HECW1: variants seen among roughly 807,000 people sequenced by gnomAD.
HECW1 encodes E3 ubiquitin-protein ligase HECW1.
A neutral mutation model predicts 182.3 loss-of-function variants in HECW1; 61 were observed. The observed-to-expected ratio is 0.33, with a 90% CI of 0.27 to 0.41. The LOEUF (loss-of-function observed/expected upper bound fraction) is 0.41, where lower values mean the gene tolerates loss of function less well. Among genes scored for constraint, HECW1 ranks in the 10% least tolerant of loss-of-function variants. The pLI is 1.00. For synonymous variants in HECW1, 859 were observed against 832.6 expected (o/e 1.03, Z -0.55); for missense variants, 1,739 against 2,108.9 (o/e 0.82, Z 3.44).
At chr7:43,237,407 A>AG (rs1158323332) in intron 2 of HECW1, among the ~76,000 whole-genome samples, 7 of 152,186 alleles carry the variant, frequency 4.6e-5, no homozygotes, top group Non-Finnish European at 1.0e-4. Context: ...CCTGAAGGGC[A>AG]GGGACCACAC....
At chr7:43,225,500 T>A (rs909356973) in intron 2 of HECW1, among the ~76,000 whole-genome samples, 2 of 152,160 alleles carry the variant, frequency 1.3e-5, no homozygotes, top group South Asian at 2.1e-4. Context: ...GGAAACAACC[T>A]AAATGCTCAT....
rs182420022 is a variant in HECW1 at position 43,116,649 on chromosome 7, A to G, written c.-32+2258A>G. 6.1e-3 allele frequency among the ~76,000 whole-genome samples: 934 copies of G among 152,242 alleles called. 8 individuals carry two copies. The highest frequency in any genetic ancestry group is 8.2e-3 in the Non-Finnish European group (559 of 68,016). On this transcript the variant is annotated intron_variant, in intron 2 of 29. Transcript: ENST00000395891. ...CTCCCATTTACCTGCTTCCTTTTCCATCCTAAAAAACAGGACAAGCTACAT... is the reference window on the plus strand; with the variant it reads ...CTCCCATTTACCTGCTTCCTTTTCCGTCCTAAAAAACAGGACAAGCTACAT...
Position 43,158,352 on chromosome 7 carries a change from T to G in HECW1, c.-32+43961T>G, listed in dbSNP as rs1051701042. Among the ~76,000 whole-genome samples, 3 of 152,210 alleles carry G rather than the reference T, an allele frequency of 2.0e-5. No individual in the cohort carries two copies. The East Asian group carries it at 5.8e-4, about 29-fold the overall frequency. ...GCTTAAGGGAATGCATTAAATTTGT[T>G]TCTTGCATGTTTATTGTAGAACTTT... On this transcript the variant is annotated intron_variant, in intron 2 of 29. Transcript: ENST00000395891.
intron 3 of HECW1, among the ~76,000 whole-genome samples, chr7:43,301,472 C>A (rs1029661012): frequency 1.3e-5 from 2 of 152,204 alleles, no homozygotes; most frequent in African/African-American, 4.8e-5. Flanking sequence ...CCAAACTCTC[C>A]GAGGCTATGA....
At chr7:43,560,801 G>A (rs1234230557) in intron 29 of HECW1, among the ~76,000 whole-genome samples, 1 of 152,198 alleles carries the variant, frequency 6.6e-6, no homozygotes, top group Non-Finnish European at 1.5e-5. Flanking sequence ...TTCTTTGTAT[G>A]TTTGTTTTGT....
chr7:43,318,433 G>A (rs1809616619), intron 4 of HECW1, among the ~76,000 whole-genome samples: 1 of 152,198 alleles, frequency 6.6e-6, no homozygotes, highest in Admixed American at 6.5e-5. Flanking sequence ...TTGCAAACAA[G>A]CGATTTTCCA....
chr7:43,428,691 C>A (rs1039276086), intron 8 of HECW1, among the ~76,000 whole-genome samples: 1 of 152,176 alleles, frequency 6.6e-6, no homozygotes, highest in African/African-American at 2.4e-5. Context: ...CAACAAAGCA[C>A]GTGCAGAAGG....
chr7:43,245,344 GT>G (rs1049974320), intron 3 of HECW1: 1 of 152,196 alleles, frequency 6.6e-6, no homozygotes, highest in African/African-American at 2.4e-5. Context: ...CACTCAGTCT[GT>G]TTGCATTCCC....
chr7:43,170,898 A>C (rs1791618626), intron 2 of HECW1, among the ~76,000 whole-genome samples: 1 of 152,204 alleles, frequency 6.6e-6, no homozygotes, highest in African/African-American at 2.4e-5. Context: ...GTCCTTGCCC[A>C]CACAGGGAGG....
chr7:43,283,295 C>T (rs998138033), intron 3 of HECW1, among the ~76,000 whole-genome samples: 1 of 152,050 alleles, frequency 6.6e-6, no homozygotes, highest in African/African-American at 2.4e-5. Context: ...CGAGTGAACA[C>T]CGGAGTTTTT....
In HECW1 at chr7:43,562,758, G is replaced by A; in HGVS notation, c.*832G>A. 4.6e-6 allele frequency: 1 copy of A among 218,156 alleles called. No homozygotes were observed. Among genetic ancestry groups the A allele is most frequent in the East Asian group, 6.8e-5 (1 of 14,780 alleles). 13.5% of individuals were successfully genotyped at this position (218,156 alleles called of 1,614,324 possible). A position where few individuals can be genotyped will look rare whatever the true frequency, so the allele number is the denominator to read the frequency against. ...AGCTTCTTGATTGAGGTAGCATGAA[G>A]GATGAGGCTTCAGCCCCCATTGTCT... is the stretch of plus-strand genomic sequence containing the variant. On this transcript the variant is annotated 3_prime_UTR_variant, in exon 30 of 30. Transcript: ENST00000395891.
At chr7:43,453,281 G>A (rs1286146617) in intron 12 of HECW1, among the ~76,000 whole-genome samples, 1 of 152,174 alleles carries the variant, frequency 6.6e-6, no homozygotes, top group Non-Finnish European at 1.5e-5. Context: ...GAGCAGTGGA[G>A]GTGGTGAGGA....
chr7:43,420,065 AGGCTATG>A (rs1404654111), intron 8 of HECW1, among the ~76,000 whole-genome samples: 1 of 152,262 alleles, frequency 6.6e-6, no homozygotes, highest in Non-Finnish European at 1.5e-5. Flanking sequence ...GAAGAGGAAC[AGGCTATG>A]ACCTAATGCT....
intron 24 of HECW1, among the ~76,000 whole-genome samples, chr7:43,521,612 A>T (rs545830302): frequency 6.6e-6 from 1 of 152,366 alleles, no homozygotes; most frequent in African/African-American, 2.4e-5. Flanking sequence ...AAGGAAAGTC[A>T]TGCCTGTAAT....
chr7:43,142,023 C>T (rs183202930), intron 2 of HECW1, among the ~76,000 whole-genome samples: 1 of 152,304 alleles, frequency 6.6e-6, no homozygotes, highest in East Asian at 1.9e-4. Context: ...GCTGTGCTTG[C>T]ACTGGAGTCT....
intron 2 of HECW1, among the ~76,000 whole-genome samples, chr7:43,203,463 A>T (rs1397976964): frequency 6.6e-6 from 1 of 151,978 alleles, no homozygotes; most frequent in Admixed American, 6.6e-5. Context: ...ATAAAGCCAC[A>T]TTACTTTTTG....
chr7:43,521,070 A>G (rs1298246336), intron 24 of HECW1, among the ~76,000 whole-genome samples: 1 of 152,226 alleles, frequency 6.6e-6, no homozygotes, highest in Non-Finnish European at 1.5e-5. Flanking sequence ...TTCTTAACCT[A>G]TCTGAGTCTC....
chr7:43,403,575 ACTT>A (rs1159457142), intron 7 of HECW1, among the ~76,000 whole-genome samples: 17 of 152,222 alleles, frequency 1.1e-4, no homozygotes, highest in African/African-American at 3.6e-4. Flanking sequence ...TCTTTTATCT[ACTT>A]CTTCTCAGTT....
At chr7:43,247,961 G>A (rs1470383599) in intron 3 of HECW1, among the ~76,000 whole-genome samples, 2 of 121,592 alleles carry the variant, frequency 1.6e-5, no homozygotes, top group African/African-American at 3.5e-5. Context: ...GGGAAGGAAA[G>A]AAAAAGAGAA....
Sources: gnomAD v4.1 joint callset for allele counts (sites outside exome capture counted in the v4.1 genomes callset) on GRCh38, gnomAD v4.1.1 for gene constraint, MANE v1.5 for transcripts, NCBI Gene and HGNC (gene_info 2026-07-23, HGNC 2026-07-21) for gene names.